Variants in TENM3 observed in about 807,000 individuals in gnomAD.
TENM3 encodes teneurin transmembrane protein 3, also known as teneurin-3.
A neutral mutation model predicts 255.1 loss-of-function variants in TENM3; 63 were observed. The observed-to-expected ratio is 0.25, with a 90% CI of 0.20 to 0.30. The LOEUF (loss-of-function observed/expected upper bound fraction) is 0.30. Ranked by LOEUF, TENM3 falls within the 10% of genes least tolerant of loss-of-function variation. TENM3 has a pLI of 1.00. For missense variants in TENM3, 2,929 were observed against 3,461.1 expected (o/e 0.85, Z 3.86); for synonymous variants, 1,306 against 1,322.3 (o/e 0.99, Z 0.27).
At chr4:182,072,484 G>C in the TENM3 span, among the ~76,000 whole-genome samples, 1 of 152,086 alleles carries the variant, frequency 6.6e-6, no homozygotes, top group African/African-American at 2.4e-5. Flanking sequence ...AATCAATTTT[G>C]CTTTACCTCA....
intron 12 of TENM3, among the ~76,000 whole-genome samples, chr4:182,710,077 C>G (rs1758638895): frequency 6.6e-6 from 1 of 152,182 alleles, no homozygotes; most frequent in Admixed American, 6.5e-5. Flanking sequence ...CTTAAAACTG[C>G]TAATCCAGAT....
At chr4:182,317,455 G>C (rs1194306235) in intron 1 of TENM3, among the ~76,000 whole-genome samples, 1 of 149,422 alleles carries the variant, frequency 6.7e-6, no homozygotes, top group South Asian at 2.1e-4. Flanking sequence ...ATGTGCCACT[G>C]TGCCTGTTTT....
intron 1 of TENM3, among the ~76,000 whole-genome samples, chr4:182,214,343 C>T (rs1755290921): frequency 6.6e-6 from 1 of 152,074 alleles, no homozygotes; most frequent in South Asian, 2.1e-4. Flanking sequence ...GACCTGACTT[C>T]TGATCTATAG....
chr4:182,791,130 A>C (rs536244349), intron 25 of TENM3, among the ~76,000 whole-genome samples: 1 of 152,270 alleles, frequency 6.6e-6, no homozygotes, highest in South Asian at 2.1e-4. Flanking sequence ...TGAATTCGGC[A>C]AAGTCCAAGC....
chr4:182,100,532 CACAT>C, the TENM3 span, among the ~76,000 whole-genome samples: 3 of 142,922 alleles, frequency 2.1e-5, no homozygotes, highest in African/African-American at 7.9e-5. Context: ...TATATATACA[CACAT>C]ATATATATAC....
the TENM3 span, among the ~76,000 whole-genome samples, chr4:181,872,890 A>C: frequency 6.6e-6 from 1 of 152,118 alleles, no homozygotes; most frequent in Admixed American, 6.5e-5. Context: ...AAAAACACAT[A>C]GTATCAACAT....
intron 1 of TENM3, among the ~76,000 whole-genome samples, chr4:182,285,943 A>G (rs970087018): frequency 3.9e-5 from 6 of 152,156 alleles, no homozygotes; most frequent in Admixed American, 6.5e-5. Flanking sequence ...TGAACCACTG[A>G]TCATCTTTCT....
chr4:182,166,604 T>A (rs1751739938), intron 1 of TENM3, among the ~76,000 whole-genome samples: 1 of 152,132 alleles, frequency 6.6e-6, no homozygotes, highest in African/African-American at 2.4e-5. Context: ...TTATGATAGA[T>A]TTTGACATTT....
the TENM3 span, among the ~76,000 whole-genome samples, chr4:181,932,067 G>T: frequency 6.6e-6 from 1 of 152,120 alleles, no homozygotes; most frequent in Non-Finnish European, 1.5e-5. Flanking sequence ...CAAAACCCTA[G>T]AAGAAAAACC....
At chr4:181,480,316 T>C in the TENM3 span, among the ~76,000 whole-genome samples, 1 of 152,304 alleles carries the variant, frequency 6.6e-6, no homozygotes, top group East Asian at 1.9e-4. Flanking sequence ...ATAAAGCTTA[T>C]AATTGTGTCT....
chr4:182,671,200 C>CATGT (rs1219778661), intron 6 of TENM3, among the ~76,000 whole-genome samples: 4 of 152,124 alleles, frequency 2.6e-5, no homozygotes, highest in African/African-American at 7.2e-5. Flanking sequence ...ACGGTGCAAT[C>CATGT]ATTATGTTAC....
intron 3 of TENM3, among the ~76,000 whole-genome samples, chr4:182,459,727 A>G (rs1774183648): frequency 6.6e-6 from 1 of 152,160 alleles, no homozygotes; most frequent in African/African-American, 2.4e-5. Flanking sequence ...TCATGCTGAG[A>G]TATCAGTATA....
At chr4:182,397,851 G>A in intron 3 of TENM3, among the ~76,000 whole-genome samples, 1 of 152,144 alleles carries the variant, frequency 6.6e-6, no homozygotes, top group African/African-American at 2.4e-5. Context: ...CATACTATGA[G>A]GACCACTGCT....
chr4:181,529,836 A>G, the TENM3 span, among the ~76,000 whole-genome samples: 3 of 152,232 alleles, frequency 2.0e-5, no homozygotes, highest in African/African-American at 7.2e-5. Flanking sequence ...TGTTGAATTA[A>G]GCAGAATTGG....
At chr4:181,669,628 G>C in the TENM3 span, among the ~76,000 whole-genome samples, 1 of 152,064 alleles carries the variant, frequency 6.6e-6, no homozygotes, top group African/African-American at 2.4e-5. Context: ...ACTTTTGCTA[G>C]ACCAGATACC....
At chr4:181,550,643 G>A in the TENM3 span, among the ~76,000 whole-genome samples, 3 of 152,158 alleles carry the variant, frequency 2.0e-5, no homozygotes, top group African/African-American at 7.2e-5. Flanking sequence ...ATGACCACAA[G>A]GTTGCAGAGG....
intron 12 of TENM3, among the ~76,000 whole-genome samples, chr4:182,697,415 A>G (rs1757508689): frequency 6.6e-6 from 1 of 152,186 alleles, no homozygotes; most frequent in Non-Finnish European, 1.5e-5. Context: ...ATTGGCGCTG[A>G]AAATCTAGGG....
In TENM3 at chr4:182,555,081, A is replaced by T. The variant is rs1200209768; in HGVS notation, c.512-45843A>T. ...CGTGGTTCCTTACTTAGCTCGCATT[A>T]ATGGCCATGTGAGTGCATGCTGAAA... On this transcript the variant is annotated intron_variant, in intron 3 of 27. Coordinates refer to ENST00000511685, the MANE Select transcript of TENM3 (RefSeq NM_001080477.4). Among the ~76,000 whole-genome samples the T allele has an allele frequency of 2.0e-5, 3 of 152,318 alleles. No individual in the cohort carries two copies. The South Asian group carries it at 6.2e-4, about 32-fold the overall frequency.
the TENM3 span, among the ~76,000 whole-genome samples, chr4:181,946,803 AG>A: frequency 6.6e-6 from 1 of 152,236 alleles, no homozygotes; most frequent in Admixed American, 6.5e-5. Flanking sequence ...CAAACTCAGA[AG>A]GCAGTGGGTA....
Sources: gnomAD v4.1 joint callset for allele counts (sites outside exome capture counted in the v4.1 genomes callset) on GRCh38, gnomAD v4.1.1 for gene constraint, MANE v1.5 for transcripts, NCBI Gene and HGNC (gene_info 2026-07-23, HGNC 2026-07-21) for gene names.